NRG1: variants seen among roughly 807,000 people sequenced by gnomAD.
The protein encoded by NRG1 is pro-neuregulin-1, membrane-bound isoform.
A neutral mutation model predicts 63.8 loss-of-function variants in NRG1; 18 were observed. The ratio of observed to expected loss-of-function variants is 0.28; its 90% CI spans 0.19 to 0.42. The LOEUF is 0.42. NRG1 is among the 10% of genes least tolerant of loss of function. The probability of loss-of-function intolerance (pLI) is 1.00; values close to 1 mark genes in which losing one functional copy is unlikely to be tolerated. For missense variants in NRG1, 762 were observed against 814.7 expected, an observed-to-expected ratio of 0.94 and a Z score of 0.79; for synonymous variants, 302 against 301.3, an observed-to-expected ratio of 1.00 and a Z score of -0.02.
intron 1 of NRG1, among the ~76,000 whole-genome samples, chr8:32,227,848 G>T (rs1269566514): frequency 6.6e-6 from 1 of 152,118 alleles, no homozygotes; most frequent in Non-Finnish European, 1.5e-5. Flanking sequence ...AAAATGAGTG[G>T]CAGTGAACCA....
intron 1 of NRG1, among the ~76,000 whole-genome samples, chr8:32,143,841 C>T (rs1045565640): frequency 2.0e-5 from 3 of 152,230 alleles, no homozygotes; most frequent in Non-Finnish European, 4.4e-5. Context: ...ACATGTTAGG[C>T]TCTTTGGAAG....
chr8:32,023,406 G>A (rs1436885805), intron 1 of NRG1, among the ~76,000 whole-genome samples: 1 of 152,212 alleles, frequency 6.6e-6, no homozygotes, highest in African/African-American at 2.4e-5. Context: ...GTGCAGGAAA[G>A]GAAGTGAATG....
At chr8:32,404,692 C>A (rs180900928) in intron 1 of NRG1, among the ~76,000 whole-genome samples, 1 of 148,766 alleles carries the variant, frequency 6.7e-6, no homozygotes, top group Admixed American at 6.8e-5. Flanking sequence ...TCAAGCAATT[C>A]TCCTGCCTCA....
intron 5 of NRG1, among the ~76,000 whole-genome samples, chr8:32,641,094 A>T (rs867167272): frequency 2.0e-5 from 3 of 151,842 alleles, no homozygotes; most frequent in Non-Finnish European, 4.4e-5. Context: ...AGTGACTAGG[A>T]TTGCACCACT....
At chr8:31,681,530 G>A (rs1027994098) in intron 1 of NRG1, among the ~76,000 whole-genome samples, 1 of 151,992 alleles carries the variant, frequency 6.6e-6, no homozygotes, top group African/African-American at 2.4e-5. Flanking sequence ...AAGAGCTGCA[G>A]AGGTATGGGA....
chr8:31,914,243 T>G (rs1833186474), intron 1 of NRG1, among the ~76,000 whole-genome samples: 1 of 152,188 alleles, frequency 6.6e-6, no homozygotes, highest in East Asian at 1.9e-4. Flanking sequence ...ATAATTCATT[T>G]TGCCTTAAAA....
chr8:32,607,411 G>A (rs1337677459), intron 3 of NRG1, among the ~76,000 whole-genome samples: 2 of 151,926 alleles, frequency 1.3e-5, no homozygotes, highest in South Asian at 2.1e-4. Context: ...GATTTGATTC[G>A]TGTAGCTATA....
At chr8:32,514,793 A>G (rs535452639) in intron 1 of NRG1, among the ~76,000 whole-genome samples, 1 of 152,160 alleles carries the variant, frequency 6.6e-6, no homozygotes, top group East Asian at 1.9e-4. Flanking sequence ...CATTGCTTCA[A>G]ATAAAACTGT....
chr8:31,718,011 T>G (rs1812531446), intron 1 of NRG1, among the ~76,000 whole-genome samples: 1 of 152,226 alleles, frequency 6.6e-6, no homozygotes, highest in African/African-American at 2.4e-5. Context: ...TTAACATGTT[T>G]GATCTTTTTC....
At chr8:32,581,021 T>C (rs1394073954) in intron 1 of NRG1, among the ~76,000 whole-genome samples, 7 of 152,326 alleles carry the variant, frequency 4.6e-5, no homozygotes, top group African/African-American at 1.7e-4. Flanking sequence ...AGGAAGGATT[T>C]ATTTTACAAA....
At chr8:31,694,640 A>G (rs1382058148) in intron 1 of NRG1, among the ~76,000 whole-genome samples, 1 of 152,180 alleles carries the variant, frequency 6.6e-6, no homozygotes, top group Non-Finnish European at 1.5e-5. Flanking sequence ...GGCTTTTATG[A>G]CTGGGAACGT....
At chr8:32,616,100 A>C (rs1210964350) in intron 4 of NRG1, among the ~76,000 whole-genome samples, 2 of 151,990 alleles carry the variant, frequency 1.3e-5, no homozygotes, top group African/African-American at 2.4e-5. Context: ...TCCTTCTTTG[A>C]TACTAAGACT....
intron 1 of NRG1, among the ~76,000 whole-genome samples, chr8:32,505,735 C>T (rs1828438891): frequency 6.6e-6 from 1 of 152,314 alleles, no homozygotes; most frequent in African/African-American, 2.4e-5. Flanking sequence ...GGACCTGTGA[C>T]ACTTGGGAGG....
Position 32,198,077 on chromosome 8 carries a change from T to G in NRG1, c.38-397751T>G, listed in dbSNP as rs939401758. On this transcript the variant is annotated intron_variant, in intron 1 of 10. Coordinates refer to the NRG1 transcript ENST00000519301. ...GGATTTGGGCAATGTTTTGGCTAGT[T>G]GAACAACAACAATGCTCATATTTAT... Among the ~76,000 whole-genome samples, 6 of 152,366 alleles carry G rather than the reference T, an allele frequency of 3.9e-5. No individual in the cohort carries two copies. In the East Asian group the frequency reaches 1.2e-3, roughly 29 times the overall value.
intron 1 of NRG1, among the ~76,000 whole-genome samples, chr8:32,460,946 T>C (rs866493946): frequency 6.6e-6 from 1 of 152,192 alleles, no homozygotes; most frequent in Non-Finnish European, 1.5e-5. Flanking sequence ...ATATATCCTA[T>C]AGGACTATAA....
chr8:32,659,825 T>C (rs563864144), intron 5 of NRG1, among the ~76,000 whole-genome samples: 2 of 152,264 alleles, frequency 1.3e-5, no homozygotes, highest in African/African-American at 4.8e-5. Context: ...CTATTTTTTC[T>C]ACTATAAATG....
chr8:31,668,146 G>A (rs148677335), intron 1 of NRG1, among the ~76,000 whole-genome samples: 11 of 152,266 alleles, frequency 7.2e-5, no homozygotes, highest in East Asian at 1.9e-4. Flanking sequence ...AGAACATTAC[G>A]AAGCTACCAG....
At chr8:32,165,001 T>C (rs1267597676) in intron 1 of NRG1, among the ~76,000 whole-genome samples, 1 of 152,168 alleles carries the variant, frequency 6.6e-6, no homozygotes, top group East Asian at 1.9e-4. Flanking sequence ...TGAGAGGGTT[T>C]TGACACCTCT....
chr8:32,094,860 A>T (rs1829683353), intron 1 of NRG1, among the ~76,000 whole-genome samples: 1 of 151,520 alleles, frequency 6.6e-6, no homozygotes. Flanking sequence ...AAAATAGCCC[A>T]GGATTCCATT....
Sources: allele counts gnomAD v4.1 joint callset (sites outside exome capture counted in the v4.1 genomes callset), GRCh38; gene constraint gnomAD v4.1.1; transcripts MANE v1.5; gene names NCBI Gene and HGNC (gene_info 2026-07-23, HGNC 2026-07-21).